Variants in DNAI4 observed in about 807,000 individuals in gnomAD.
DNAI4 encodes WD repeat domain 78.
DNAI4 carries 85 observed loss-of-function variants against 105.8 expected under a neutral mutation model. The observed-to-expected ratio is 0.80, with a 90% CI of 0.67 to 0.96. DNAI4 has a LOEUF of 0.96. Ranked by LOEUF, DNAI4 falls within the 40% of genes least tolerant of loss-of-function variation. The probability of loss-of-function intolerance (pLI) is 0.00; values close to 1 mark genes in which losing one functional copy is unlikely to be tolerated. For missense variants in DNAI4, 1,014 were observed against 1,005.6 expected, an observed-to-expected ratio of 1.01 and a Z score of -0.11; for synonymous variants, 352 against 331.5, an observed-to-expected ratio of 1.06 and a Z score of -0.67.
At chr1:66,883,751 G>T (rs1241804245) in intron 4 of DNAI4, among the ~76,000 whole-genome samples, 1 of 151,692 alleles carries the variant, frequency 6.6e-6, no homozygotes, top group Non-Finnish European at 1.5e-5. Context: ...ACATTTATGG[G>T]GTACAAAGTG....
chr1:66,914,317 A>AT (rs1014333081), intron 1 of DNAI4, among the ~76,000 whole-genome samples: 22 of 151,334 alleles, frequency 1.5e-4, no homozygotes, highest in Admixed American at 5.3e-4. Flanking sequence ...CTTTTTCTCT[A>AT]TTTTTTTTCC....
intron 1 of DNAI4, among the ~76,000 whole-genome samples, chr1:66,914,252 G>C (rs948312340): frequency 6.6e-6 from 1 of 152,132 alleles, no homozygotes. Flanking sequence ...GAAATAATAT[G>C]GTCTTTGTGC....
intron 10 of DNAI4, among the ~76,000 whole-genome samples, chr1:66,836,257 AAAGAAAGAAAGAAAGAAAG>A (rs1646009453): frequency 1.4e-4 from 1 of 7,286 alleles, no homozygotes; most frequent in East Asian, 3.5e-3. Flanking sequence ...AGAGAGAGAG[AAAGAAAGAAAGAAAGAAAG>A]AAAGAAAGAA....
chr1:66,862,443 C>A, intron 6 of DNAI4, 141 bp from the exon 7 acceptor site: 1 of 827,904 alleles, frequency 1.2e-6, no homozygotes, highest in South Asian at 1.8e-5. Context: ...GCTACTTGGT[C>A]CACCTGAGGC....
At chr1:66,833,284 T>C (rs770407688) in intron 13 of DNAI4, among the ~76,000 whole-genome samples, 5 of 152,138 alleles carry the variant, frequency 3.3e-5, no homozygotes, top group Admixed American at 6.5e-5. Flanking sequence ...TATAATCCAA[T>C]AGTTTCTAGT....
chr1:66,873,358 A>C (rs1199479202), intron 5 of DNAI4, among the ~76,000 whole-genome samples: 1 of 146,094 alleles, frequency 6.8e-6, no homozygotes, highest in Non-Finnish European at 1.5e-5. Flanking sequence ...TGATTCTCCT[A>C]CCTCAGCCTC....
chr1:66,866,685 C>G (rs1646741228), intron 6 of DNAI4, among the ~76,000 whole-genome samples: 1 of 152,048 alleles, frequency 6.6e-6, no homozygotes, highest in South Asian at 2.1e-4. Context: ...TATTTTGATA[C>G]TTTGCATATA....
chr1:66,876,317 C>T (rs976971186), intron 4 of DNAI4, among the ~76,000 whole-genome samples: 3 of 152,132 alleles, frequency 2.0e-5, no homozygotes, highest in South Asian at 2.1e-4. Context: ...GATTTAGGCT[C>T]TTGATTCTCT....
chr1:66,907,078 C>T (rs1324856956), intron 1 of DNAI4: 1 of 152,162 alleles, frequency 6.6e-6, no homozygotes, highest in Non-Finnish European at 1.5e-5. Flanking sequence ...TTAACTATGT[C>T]TTCCTCTACC....
Position 66,826,912 on chromosome 1 carries a change from A to G in DNAI4, c.2247T>C (p.Val749=), listed in dbSNP as rs1396337091. The G allele has an allele frequency of 1.2e-6, 2 of 1,614,094 alleles. No individual in the cohort carries two copies. Among genetic ancestry groups the G allele is most frequent in the Admixed American group, 3.3e-5 (2 of 60,012 alleles). The change falls in exon 15 of 17, where the codon GTT becomes GTC. Residue 749 remains valine, a synonymous_variant. Coordinates refer to ENST00000371026, the MANE Select transcript of DNAI4 (RefSeq NM_024763.5). ...TTGGAGACCAGGCAACGTCGTAAAC[A>G]ACAGAAGTAGCTGGATAAAAACTCA... is the stretch of plus-strand genomic sequence containing the variant. ...PSLSFYPATS[V]VYDVAWSPKS... is the part of the protein sequence containing the mutation.
intron 1 of DNAI4, among the ~76,000 whole-genome samples, chr1:66,905,761 T>C (rs867169428): frequency 6.6e-6 from 1 of 152,208 alleles, no homozygotes; most frequent in African/African-American, 2.4e-5. Context: ...CATCGGTTAT[T>C]ATGAGGATTA....
Position 66,835,779 on chromosome 1 carries a change from T to C in DNAI4, c.1582-2A>G. ...ACTCTGATAAATACGTTCTGGCCAC[T>C]AAATTTTAAAAAATTACATTTTCAA... On this transcript the variant is annotated splice_acceptor_variant, in intron 10 of 16. Coordinates refer to ENST00000371026, the MANE Select transcript of DNAI4 (RefSeq NM_024763.5). LOFTEE classifies it high-confidence loss of function. The C allele has an allele frequency of 3.7e-6, 6 of 1,612,786 alleles. No individual in the cohort carries two copies. The highest frequency in any genetic ancestry group is 5.1e-6 in the Non-Finnish European group (6 of 1,179,518).
chr1:66,923,191 C>T (rs1189539434), intron 1 of DNAI4, among the ~76,000 whole-genome samples: 1 of 152,166 alleles, frequency 6.6e-6, no homozygotes, highest in Non-Finnish European at 1.5e-5. Flanking sequence ...AGGTTGGTAG[C>T]CTAGAAGCAA....
At chr1:66,849,378 C>T (rs988436185) in intron 7 of DNAI4, among the ~76,000 whole-genome samples, 24 of 152,186 alleles carry the variant, frequency 1.6e-4, no homozygotes, top group African/African-American at 5.1e-4. Flanking sequence ...CTTCTACTCC[C>T]GCCTGGAAAT....
At chr1:66,866,967 C>T (rs912676505) in intron 6 of DNAI4, among the ~76,000 whole-genome samples, 6 of 152,158 alleles carry the variant, frequency 3.9e-5, no homozygotes, top group Non-Finnish European at 5.9e-5. Context: ...GTGAGAAAAG[C>T]GAGTGACGAG....
chr1:66,893,896 T>C (rs1365159808), intron 2 of DNAI4, among the ~76,000 whole-genome samples: 1 of 152,204 alleles, frequency 6.6e-6, no homozygotes, highest in Non-Finnish European at 1.5e-5. Flanking sequence ...GAAAAGTTCC[T>C]ATCACCTAGT....
chr1:66,841,691 A>T (rs1646152037), intron 8 of DNAI4, among the ~76,000 whole-genome samples: 1 of 152,110 alleles, frequency 6.6e-6, no homozygotes, highest in Non-Finnish European at 1.5e-5. Flanking sequence ...TCTTTTCTAC[A>T]TATGCCACAT....
At chr1:66,909,442 A>C (rs186740409) in intron 1 of DNAI4, among the ~76,000 whole-genome samples, 1 of 150,628 alleles carries the variant, frequency 6.6e-6, no homozygotes, top group Non-Finnish European at 1.5e-5. Flanking sequence ...CAATGTTTTC[A>C]TCTTTCTTAT....
intron 3 of DNAI4, among the ~76,000 whole-genome samples, 199 bp from the exon 4 acceptor site, chr1:66,891,465 C>T (rs1041717066): frequency 6.6e-6 from 1 of 151,908 alleles, no homozygotes; most frequent in Non-Finnish European, 1.5e-5. Context: ...TTATTTGTAT[C>T]TTTATTTATT....
Sources: gnomAD v4.1 joint callset for allele counts (sites outside exome capture counted in the v4.1 genomes callset) on GRCh38, gnomAD v4.1.1 for gene constraint, MANE v1.5 for transcripts, NCBI Gene and HGNC (gene_info 2026-07-23, HGNC 2026-07-21) for gene names.